DNAJA2: variants seen among roughly 807,000 people sequenced by gnomAD.
DNAJA2 encodes dnaJ homolog subfamily A member 2.
A neutral mutation model predicts 49.3 loss-of-function variants in DNAJA2; 6 were observed. The observed-to-expected ratio is 0.12, with a 90% CI of 0.07 to 0.24. DNAJA2 has a LOEUF of 0.24. Among genes scored for constraint, DNAJA2 ranks in the 10% least tolerant of loss-of-function variants. DNAJA2 has a pLI of 1.00. For synonymous variants in DNAJA2, 160 were observed against 172.7 expected, an observed-to-expected ratio of 0.93 and a Z score of 0.58; for missense variants, 347 against 516.8, an observed-to-expected ratio of 0.67 and a Z score of 3.19.
chr16:46,958,850 G>T, intron 8 of DNAJA2, 153 bp downstream of exon 8: 1 of 781,922 alleles, frequency 1.3e-6, no homozygotes, highest in Non-Finnish European at 1.9e-6. Flanking sequence ...GGGCTGAGGT[G>T]AGAGGATCGC....
chr16:46,969,272 T>A (rs1364044746), intron 3 of DNAJA2, among the ~76,000 whole-genome samples: 1 of 152,204 alleles, frequency 6.6e-6, no homozygotes, highest in Non-Finnish European at 1.5e-5. Flanking sequence ...CTTAAAACTG[T>A]TGTAGGCAGG....
At chr16:46,962,261 C>CAAAG (rs1297130222) in intron 6 of DNAJA2, among the ~76,000 whole-genome samples, 5 of 152,170 alleles carry the variant, frequency 3.3e-5, no homozygotes, top group Non-Finnish European at 7.4e-5. Flanking sequence ...GACCTTAAGT[C>CAAAG]CTTTGCCTCC....
intron 3 of DNAJA2, among the ~76,000 whole-genome samples, chr16:46,968,408 A>G (rs1307963364): frequency 6.6e-6 from 1 of 152,230 alleles, no homozygotes. Flanking sequence ...CATCAGGCCA[A>G]CAATTTGCTG....
chr16:46,967,564 G>C lies in DNAJA2; in HGVS notation c.526C>G (p.Pro176Ala), dbSNP rs1236367617. The C allele has an allele frequency of 6.2e-7, 1 of 1,614,062 alleles. No homozygotes were observed. The highest frequency in any genetic ancestry group is 2.2e-5 in the East Asian group (1 of 44,884). ...GACTGCATCTGTTGTACCATCCCTG[G>C]AGCCAGCTGTCTGATCATGATGCGC... is the stretch of plus-strand genomic sequence containing the variant. ...GVRIMIRQLA[P>A]GMVQQMQSVC... The change falls in exon 5 of 9, where the codon CCA becomes GCA. Residue 176 changes from proline to alanine, a missense_variant. Transcript: ENST00000317089.
intron 3 of DNAJA2, among the ~76,000 whole-genome samples, chr16:46,968,750 T>C (rs944004130): frequency 3.3e-5 from 5 of 152,046 alleles, no homozygotes; most frequent in East Asian, 3.8e-4. Context: ...AAAGGAGGGA[T>C]AGAATAGTTT....
intron 3 of DNAJA2, among the ~76,000 whole-genome samples, chr16:46,969,507 A>G (rs184908752): frequency 1.3e-5 from 2 of 152,374 alleles, no homozygotes; most frequent in East Asian, 3.9e-4. Context: ...AAAGAAGGCC[A>G]AGGAAGGAAA....
At position 46,970,730 on chromosome 16, in the gene DNAJA2, C is replaced by CAAA. The variant is rs10523905; in HGVS notation, c.362+616_362+618dup. Among the ~76,000 whole-genome samples, 16 of 32,200 alleles carry CAAA rather than the reference C, an allele frequency of 5.0e-4. 3 individuals carry two copies. The highest frequency in any genetic ancestry group is 1.1e-3 in the East Asian group (1 of 944). The allele number at this position is 32,200 out of a possible 152,430, so 21.1% of individuals were successfully genotyped here. ...AACCCGGGCGACAGGGACTCCATTT[C>CAAA]AAAAAAAAAAAAAAAAAAAAAAAAA... is the stretch of plus-strand genomic sequence containing the variant. On this transcript the variant is annotated intron_variant, in intron 3 of 8. Coordinates refer to ENST00000317089, the MANE Select transcript of DNAJA2 (RefSeq NM_005880.4).
chr16:46,969,407 A>G (rs1468874639), intron 3 of DNAJA2, among the ~76,000 whole-genome samples: 1 of 152,230 alleles, frequency 6.6e-6, no homozygotes, highest in Admixed American at 6.5e-5. Context: ...CAAATCATTT[A>G]AAGAAAATCG....
intron 3 of DNAJA2, among the ~76,000 whole-genome samples, chr16:46,970,437 G>A (rs529477004): frequency 7.0e-4 from 106 of 152,256 alleles, no homozygotes; most frequent in African/African-American, 2.4e-3. Flanking sequence ...TAACTTGGAA[G>A]ATTCATATAC....
intron 1 of DNAJA2, 77 bp downstream of exon 1, chr16:46,973,418 G>A (rs1289037826): frequency 2.0e-4 from 281 of 1,396,188 alleles, no homozygotes; most frequent in Non-Finnish European, 2.4e-4. Flanking sequence ...GCCCAGTAGC[G>A]CGGCCTGGCT....
intron 6 of DNAJA2, among the ~76,000 whole-genome samples, chr16:46,959,839 T>C (rs531372769): frequency 6.6e-6 from 1 of 152,090 alleles, no homozygotes; most frequent in South Asian, 2.1e-4. Flanking sequence ...AAGATCAACA[T>C]AAAACCCAAC....
chr16:46,963,266 G>GATT (rs918375422), intron 6 of DNAJA2, among the ~76,000 whole-genome samples: 2 of 152,294 alleles, frequency 1.3e-5, no homozygotes. Flanking sequence ...GAATTTAGGT[G>GATT]ATTACTGGAG....
At chr16:46,958,878 A>G in intron 8 of DNAJA2, 125 bp downstream of exon 8, 1 of 1,035,172 alleles carries the variant, frequency 9.7e-7, no homozygotes, top group Non-Finnish European at 1.4e-6. Context: ...CAGGAGGTCG[A>G]GGCTGCAGTG....
chr16:46,968,177 G>A lies in DNAJA2; in HGVS notation c.363-13C>T. ...TTCTAAAGATACTCTGGAAAGAAAA[G>A]AATCGGCTTCAATCAAATTTTGCCA... On this transcript the variant is annotated splice_polypyrimidine_tract_variant and intron_variant, in intron 3 of 8. Transcript: ENST00000317089. 6.4e-7 allele frequency: 1 copy of A among 1,571,642 alleles called. No individual in the cohort carries two copies. Among genetic ancestry groups the A allele is most frequent in the Non-Finnish European group, 8.6e-7 (1 of 1,163,158 alleles).
chr16:46,966,350 A>G (rs1018010270), intron 5 of DNAJA2, among the ~76,000 whole-genome samples: 1 of 152,362 alleles, frequency 6.6e-6, no homozygotes, highest in East Asian at 1.9e-4. Flanking sequence ...AAAGGATGCT[A>G]TTGAACTATA....
At chr16:46,959,709 C>A in intron 6 of DNAJA2, 1 of 263,226 alleles carries the variant, frequency 3.8e-6, no homozygotes, top group Non-Finnish European at 7.3e-6. Flanking sequence ...GCAACTATTG[C>A]CCACTTTCAG....
intron 1 of DNAJA2, among the ~76,000 whole-genome samples, chr16:46,973,243 G>C (rs1284091025): frequency 6.6e-6 from 1 of 152,056 alleles, no homozygotes; most frequent in African/African-American, 2.4e-5. Context: ...GGCTCCCATC[G>C]TGTTTGCGCA....
In DNAJA2 at chr16:46,960,780, A is replaced by G. The variant is rs1253123987; in HGVS notation, c.775-1361T>C. ...GGCGACACAGCGAGACTCCATCTCA[A>G]TAAGAAAAAAATAAAAAAATTTAAA... On this transcript the variant is annotated intron_variant, in intron 6 of 8. Transcript: ENST00000317089. 3.3e-5 allele frequency among the ~76,000 whole-genome samples: 5 copies of G among 150,992 alleles called. No homozygotes were observed. In the East Asian group the frequency reaches 7.8e-4, roughly 24 times the overall value.
At chr16:46,973,012 G>T (rs1425932903) in intron 1 of DNAJA2, 2 of 151,704 alleles carry the variant, frequency 1.3e-5, no homozygotes, top group Non-Finnish European at 2.9e-5. Context: ...GGCGCTCTGT[G>T]GGGGCGGCCT....
Sources: allele counts gnomAD v4.1 joint callset (sites outside exome capture counted in the v4.1 genomes callset), GRCh38; gene constraint gnomAD v4.1.1; transcripts MANE v1.5; gene names NCBI Gene and HGNC (gene_info 2026-07-23, HGNC 2026-07-21).